FHIT: variants seen among roughly 807,000 people sequenced by gnomAD.
FHIT encodes fragile histidine triad diadenosine triphosphatase, also known as bis(5'-adenosyl)-triphosphatase.
Under a neutral mutation model 17.9 loss-of-function variants are expected in FHIT, and 19 were observed. That is an observed-to-expected ratio of 1.06 (90% CI 0.74 to 1.56). The LOEUF (loss-of-function observed/expected upper bound fraction) is 1.56. FHIT is among the 40% of genes most tolerant of loss of function. The pLI is 0.00. For synonymous variants in FHIT, 81 were observed against 69.7 expected (o/e 1.16, Z -0.81); for missense variants, 248 against 189.2 (o/e 1.31, Z -1.82).
intron 4 of FHIT, among the ~76,000 whole-genome samples, chr3:60,659,326 T>G (rs1577037931): frequency 1.3e-5 from 2 of 152,072 alleles, no homozygotes; most frequent in African/African-American, 4.8e-5. Context: ...TTGCATCAGA[T>G]TTGGGAAGCT....
At chr3:60,158,954 A>T (rs75491849) in intron 5 of FHIT, among the ~76,000 whole-genome samples, 3 of 152,094 alleles carry the variant, frequency 2.0e-5, no homozygotes, top group African/African-American at 7.2e-5. Flanking sequence ...CAAAGAACCC[A>T]ACTTCACCTC....
chr3:59,979,897 T>C (rs1357123856), intron 7 of FHIT, among the ~76,000 whole-genome samples: 1 of 152,186 alleles, frequency 6.6e-6, no homozygotes, highest in Non-Finnish European at 1.5e-5. Flanking sequence ...TGAGGAAATC[T>C]GGGAGATGAA....
At chr3:61,086,279 C>T (rs971862077) in intron 2 of FHIT, among the ~76,000 whole-genome samples, 1 of 151,950 alleles carries the variant, frequency 6.6e-6, no homozygotes, top group African/African-American at 2.4e-5. Flanking sequence ...TACTTATAGT[C>T]CTAGTTTGTT....
intron 5 of FHIT, among the ~76,000 whole-genome samples, chr3:60,356,761 A>C (rs1476914698): frequency 5.2e-4 from 35 of 67,046 alleles, no homozygotes; most frequent in Non-Finnish European, 1.7e-4. Context: ...GACAAAAAAA[A>C]AAAAAAAAAA....
intron 4 of FHIT, among the ~76,000 whole-genome samples, chr3:60,682,439 T>C (rs981808335): frequency 2.6e-4 from 40 of 152,344 alleles, no homozygotes; most frequent in African/African-American, 8.9e-4. Flanking sequence ...TTGAAGCCAA[T>C]GCTCATTGAC....
chr3:60,637,504 T>C (rs577112721), intron 4 of FHIT, among the ~76,000 whole-genome samples: 2 of 152,232 alleles, frequency 1.3e-5, no homozygotes, highest in East Asian at 1.9e-4. Flanking sequence ...ATTAGATACA[T>C]AATAATTTGT....
intron 5 of FHIT, among the ~76,000 whole-genome samples, chr3:60,412,393 T>C (rs1353996423): frequency 3.3e-5 from 5 of 152,030 alleles, no homozygotes; most frequent in African/African-American, 1.2e-4. Context: ...AGTTTCACAT[T>C]TAGGTCCCTA....
chr3:60,484,122 G>C (rs909107531), intron 5 of FHIT, among the ~76,000 whole-genome samples: 1 of 152,088 alleles, frequency 6.6e-6, no homozygotes, highest in African/African-American at 2.4e-5. Context: ...GCTAACAGGG[G>C]ATGTGAAGGA....
intron 5 of FHIT, among the ~76,000 whole-genome samples, chr3:60,063,805 AAAAC>A (rs1337680781): frequency 6.6e-6 from 1 of 152,192 alleles, no homozygotes; most frequent in African/African-American, 2.4e-5. Context: ...ATTGCCCATA[AAAAC>A]AAACAAAAAA....
intron 2 of FHIT, among the ~76,000 whole-genome samples, chr3:61,110,629 G>T (rs906058680): frequency 4.6e-5 from 7 of 151,982 alleles, no homozygotes; most frequent in African/African-American, 1.7e-4. Flanking sequence ...CTTCTGCCTA[G>T]AATAGGATCT....
chr3:60,961,068 A>G lies in FHIT; in HGVS notation c.-111+80979T>C, dbSNP rs187158659. 3.6e-3 allele frequency among the ~76,000 whole-genome samples: 545 copies of G among 152,242 alleles called. 4 individuals carry two copies. The highest frequency in any genetic ancestry group is 0.013 in the African/African-American group (534 of 41,528). On this transcript the variant is annotated intron_variant, in intron 3 of 9. Transcript: ENST00000492590. ...CCACCAACAGTGTAAAAGTTTTCCT[A>G]TTACTCCACATCCTCTCCAGCACCT...
chr3:60,536,645 C>A (rs2035990317), intron 5 of FHIT: 1 of 454,398 alleles, frequency 2.2e-6, no homozygotes, highest in South Asian at 7.6e-5. Flanking sequence ...CTCAGAAGTT[C>A]TGCAACATTG....
chr3:59,858,587 T>G (rs1340435040), intron 8 of FHIT, among the ~76,000 whole-genome samples: 1 of 151,792 alleles, frequency 6.6e-6, no homozygotes, highest in African/African-American at 2.4e-5. Context: ...GAGGGGTGTC[T>G]TGTGGAGGTG....
At chr3:60,891,391 T>C (rs551011207) in intron 3 of FHIT, among the ~76,000 whole-genome samples, 78 of 152,270 alleles carry the variant, frequency 5.1e-4, no homozygotes, top group Non-Finnish European at 9.8e-4. Flanking sequence ...CAAGACAGTG[T>C]CAATGAGATC....
At chr3:60,905,091 T>A (rs1365715097) in intron 3 of FHIT, among the ~76,000 whole-genome samples, 5 of 152,066 alleles carry the variant, frequency 3.3e-5, no homozygotes, top group African/African-American at 1.2e-4. Flanking sequence ...AAAACTACAC[T>A]AAGAATTATA....
Position 60,059,096 on chromosome 3 carries a change from G to A in FHIT, c.104-44944C>T, listed in dbSNP as rs189515887. Among the ~76,000 whole-genome samples, 11 of 152,284 alleles carry A rather than the reference G, an allele frequency of 7.2e-5. No homozygotes were observed. The East Asian group carries it at 1.7e-3, about 24-fold the overall frequency. ...CCAACACCCCCACCAGGAAAGCCACGCTACCATCAGGTGATGGTCAGGTGG... is the reference window on the plus strand; with the variant it reads ...CCAACACCCCCACCAGGAAAGCCACACTACCATCAGGTGATGGTCAGGTGG... On this transcript the variant is annotated intron_variant, in intron 5 of 9. Coordinates refer to ENST00000492590, the MANE Select transcript of FHIT (RefSeq NM_002012.4).
In FHIT at chr3:60,033,450, C is replaced by T. The variant is rs575357773; in HGVS notation, c.104-19298G>A. On this transcript the variant is annotated intron_variant, in intron 5 of 9. Coordinates refer to ENST00000492590, the MANE Select transcript of FHIT (RefSeq NM_002012.4). ...CAGAGGCTGCGGTGAGCCAAGATCG[C>T]GCCATTGCACTCCAGCCTAGGCAAC... Among the ~76,000 whole-genome samples, 8 of 151,264 alleles carry T rather than the reference C, an allele frequency of 5.3e-5. No individual in the cohort carries two copies. The South Asian group carries it at 8.4e-4, about 16-fold the overall frequency.
chr3:60,153,149 C>CTTCATAAAAATTCTG (rs1700539066), intron 5 of FHIT, among the ~76,000 whole-genome samples: 1 of 152,082 alleles, frequency 6.6e-6, no homozygotes, highest in Non-Finnish European at 1.5e-5. Context: ...CCTCAATGAT[C>CTTCATAAAAATTCTG]TTCATAAAAA....
chr3:60,736,387 A>C (rs1402870197), intron 4 of FHIT, among the ~76,000 whole-genome samples: 6 of 152,182 alleles, frequency 3.9e-5, no homozygotes, highest in South Asian at 4.2e-4. Context: ...GGGAAAAAAA[A>C]CCTTAAATTT....
Sources: allele counts gnomAD v4.1 joint callset (sites outside exome capture counted in the v4.1 genomes callset), GRCh38; gene constraint gnomAD v4.1.1; transcripts MANE v1.5; gene names NCBI Gene and HGNC (gene_info 2026-07-23, HGNC 2026-07-21).